PIK3R5: variants seen among roughly 807,000 people sequenced by gnomAD.
The protein encoded by PIK3R5 is phosphoinositide-3-kinase regulatory subunit 5, also known as phosphoinositide 3-kinase regulatory subunit 5.
In PIK3R5, 32 loss-of-function variants were observed where a neutral mutation model predicts 94.9. The ratio of observed to expected loss-of-function variants is 0.34; its 90% CI spans 0.25 to 0.45. The LOEUF (loss-of-function observed/expected upper bound fraction) is 0.45, where lower values mean the gene tolerates loss of function less well. PIK3R5 is among the 20% of genes least tolerant of loss of function. The pLI is 1.00. For synonymous variants in PIK3R5, 443 were observed against 479.4 expected, an observed-to-expected ratio of 0.92 and a Z score of 0.99; for missense variants, 853 against 1,144.6, an observed-to-expected ratio of 0.75 and a Z score of 3.68.
rs371147942 is a variant in PIK3R5 at position 8,888,586 on chromosome 17, C to T, written c.1201G>A (p.Glu401Lys). The T allele has an allele frequency of 1.1e-5, 17 of 1,611,972 alleles. No individual in the cohort carries two copies. The highest frequency in any genetic ancestry group is 1.4e-5 in the Non-Finnish European group (16 of 1,179,422). Residue 401 changes from glutamate to lysine, a missense_variant, in exon 10 of 19, where the codon GAG becomes AAG. Glu to Lys is a moderately conservative substitution (Grantham distance 56, BLOSUM62 1). Around this residue, in one of 6 missense-constraint regions of PIK3R5, gnomAD observed 319 missense variants for 339.8 expected, o/e 0.94. Coordinates refer to ENST00000447110, the MANE Select transcript of PIK3R5 (RefSeq NM_001142633.3). The surrounding 1 kb of genome is among the most constrained non-coding windows in gnomAD (Gnocchi z 7.8). ...YVEDSEESSS[E>K]WPWRRGSQER... ...TGGCTGCCACGCCTCCAAGGCCACT[C>T]GGAGGAGCTCTCCTCGCTGTCCTCC...
intron 1 of PIK3R5, among the ~76,000 whole-genome samples, chr17:8,941,440 G>GA (rs5819209): frequency 0.83 from 126,782 of 152,116 alleles, 53,066 homozygotes; most frequent in Non-Finnish European, 0.86. Context: ...AAGTTGAACA[G>GA]AATAATACCC....
chr17:8,950,856 T>A (rs957358660), intron 1 of PIK3R5, among the ~76,000 whole-genome samples: 1 of 152,204 alleles, frequency 6.6e-6, no homozygotes. Context: ...CTGTTTTAAG[T>A]TCTTTGAGAA....
At chr17:8,958,512 C>G (rs929551526) in intron 1 of PIK3R5, among the ~76,000 whole-genome samples, 13 of 148,546 alleles carry the variant, frequency 8.8e-5, no homozygotes, top group African/African-American at 3.4e-4. Context: ...TCCATTCATG[C>G]TTTTAAAAAT....
At chr17:8,908,015 G>C (rs145298957) in intron 3 of PIK3R5, among the ~76,000 whole-genome samples, 1 of 152,080 alleles carries the variant, frequency 6.6e-6, no homozygotes, top group Non-Finnish European at 1.5e-5. Flanking sequence ...TTTTAGTATC[G>C]CTTTTTCATA....
chr17:8,935,792 C>T lies in PIK3R5; in HGVS notation c.-13-24285G>A, dbSNP rs532256832. On this transcript the variant is annotated intron_variant, in intron 1 of 18. Transcript: ENST00000447110. This position sits in a 1 kb window ranked among gnomAD's most constrained non-coding sequence, Gnocchi z 4.5. Reference sequence around the variant, plus strand: ...AGACAAGGCCACGCATGGTGGCTCACGCTTGTAATCCCAGCACTTTGGGAG... The same window carrying T: ...AGACAAGGCCACGCATGGTGGCTCATGCTTGTAATCCCAGCACTTTGGGAG... Among the ~76,000 whole-genome samples, 189 of 152,216 alleles carry T rather than the reference C, an allele frequency of 1.2e-3. No individual in the cohort carries two copies. In the Middle Eastern group the frequency reaches 0.02, roughly 16 times the overall value.
Position 8,935,984 on chromosome 17 carries a change from G to A in PIK3R5, c.-13-24477C>T, listed in dbSNP as rs555145446. Among the ~76,000 whole-genome samples, 14 of 151,622 alleles carry A rather than the reference G, an allele frequency of 9.2e-5. No homozygotes were observed. In the South Asian group the frequency reaches 2.9e-3, roughly 32 times the overall value. On this transcript the variant is annotated intron_variant, in intron 1 of 18. Transcript: ENST00000447110. The surrounding 1 kb of genome is among the most constrained non-coding windows in gnomAD (Gnocchi z 4.5). ...CAGGAGAATGGCGTGAACCCGGGAG[G>A]CGGAGATTGCAGTGAGCTGAGCTTG...
At chr17:8,919,051 G>C (rs2090681453) in intron 1 of PIK3R5, among the ~76,000 whole-genome samples, 2 of 152,264 alleles carry the variant, frequency 1.3e-5, no homozygotes, top group Non-Finnish European at 1.5e-5. Context: ...GGTCATCAAA[G>C]ATAAGGAAAG....
At position 8,888,495 on chromosome 17, in the gene PIK3R5, G is replaced by A. The variant is rs752254491; in HGVS notation, c.1292C>T (p.Thr431Ile). The A allele has an allele frequency of 1.2e-6, 2 of 1,608,392 alleles. No homozygotes were observed. The highest frequency in any genetic ancestry group is 1.7e-6 in the Non-Finnish European group (2 of 1,178,244). The change falls in exon 10 of 19, where the codon ACC becomes ATC. Residue 431 changes from threonine to isoleucine, a missense_variant. Transcript: ENST00000447110. The surrounding 1 kb of genome is among the most constrained non-coding windows in gnomAD (Gnocchi z 7.8). The stretch of plus-strand genomic sequence containing the variant: ...GTCCCTCCGCAGTACCAGCTGGCTG[G>A]TGCTCTTGAAGAGTTTATAGATCCT... ...FIRIYKLFKS[T>I]SQLVLRRDSR... is the part of the protein sequence containing the mutation.
intron 3 of PIK3R5, among the ~76,000 whole-genome samples, chr17:8,907,679 G>A (rs938451657): frequency 6.0e-5 from 9 of 150,176 alleles, no homozygotes; most frequent in South Asian, 4.2e-4. Flanking sequence ...TTGCTCTGTC[G>A]CACAGGCTGG....
At chr17:8,883,543 G>C (rs1458330446) in intron 15 of PIK3R5, among the ~76,000 whole-genome samples, 1 of 152,172 alleles carries the variant, frequency 6.6e-6, no homozygotes, top group East Asian at 1.9e-4. Flanking sequence ...TCCCACCACA[G>C]GGCCTTTGCA....
intron 3 of PIK3R5, among the ~76,000 whole-genome samples, chr17:8,908,612 T>C (rs779251249): frequency 1.3e-5 from 2 of 150,842 alleles, no homozygotes; most frequent in Admixed American, 6.6e-5. Flanking sequence ...GCCCAAATCC[T>C]CTTTTGGGAC....
intron 1 of PIK3R5, among the ~76,000 whole-genome samples, chr17:8,941,027 C>A (rs2091170263): frequency 6.6e-6 from 1 of 152,212 alleles, no homozygotes; most frequent in African/African-American, 2.4e-5. Context: ...TCCAGCTCCA[C>A]TGTGACCCAG....
Position 8,911,599 on chromosome 17 carries a change from G to A in PIK3R5, c.-13-92C>T, listed in dbSNP as rs1022106954. 1.9e-5 allele frequency: 15 copies of A among 796,586 alleles called. No individual in the cohort carries two copies. The highest frequency in any genetic ancestry group is 8.5e-5 in the African/African-American group (5 of 59,082). The allele number at this position is 796,586 out of a possible 1,614,324, so 49.3% of individuals were successfully genotyped here. On this transcript the variant is annotated intron_variant, in intron 1 of 18. Transcript: ENST00000447110. The surrounding 1 kb of genome is among the most constrained non-coding windows in gnomAD (Gnocchi z 5.3). ...AGACAACAGGTGCTCACAGTGCAGC[G>A]CGATCAGCCCAGCCCAGCTATAGCT...
At position 8,907,642 on chromosome 17, in the gene PIK3R5, A is replaced by AG. The variant is rs985932560; in HGVS notation, c.204+1431_204+1432insC. On this transcript the variant is annotated intron_variant, in intron 3 of 18. Coordinates refer to ENST00000447110, the MANE Select transcript of PIK3R5 (RefSeq NM_001142633.3). Reference sequence around the variant, plus strand: ...TCTTTTTTTAACAAAAAAAAAAAAAAAGAGAGAGAGAGAGAGAAATAGGGT... The same window carrying AG: ...TCTTTTTTTAACAAAAAAAAAAAAAAGAGAGAGAGAGAGAGAGAAATAGGGT... 5.8e-4 allele frequency among the ~76,000 whole-genome samples: 87 copies of AG among 150,826 alleles called. 1 individual carries two copies. The highest frequency in any genetic ancestry group is 6.8e-3 in the Middle Eastern group (2 of 292).
At chr17:8,886,955 C>A (rs1195212877) in intron 12 of PIK3R5, 141 bp downstream of exon 12, 9 of 983,484 alleles carry the variant, frequency 9.2e-6, no homozygotes, top group Non-Finnish European at 1.3e-5. Flanking sequence ...CTGCTTCTCA[C>A]CCACACTCCC....
At chr17:8,903,264 A>C (rs1380981338) in intron 5 of PIK3R5, among the ~76,000 whole-genome samples, 2 of 151,804 alleles carry the variant, frequency 1.3e-5, no homozygotes, top group Non-Finnish European at 2.9e-5. Context: ...ATATAATATA[A>C]TTTTGTATAT....
intron 1 of PIK3R5, among the ~76,000 whole-genome samples, chr17:8,923,415 T>C (rs969277571): frequency 6.6e-6 from 1 of 152,236 alleles, no homozygotes; most frequent in African/African-American, 2.4e-5. Flanking sequence ...ATTAAATCCA[T>C]GTGAGGTAGA....
chr17:8,924,644 C>T (rs558881589), intron 1 of PIK3R5, among the ~76,000 whole-genome samples: 15 of 152,290 alleles, frequency 9.8e-5, no homozygotes, highest in African/African-American at 3.4e-4. Context: ...TTCTCAGACA[C>T]GGGCACATCT....
At chr17:8,939,702 C>T (rs949556886) in intron 1 of PIK3R5, among the ~76,000 whole-genome samples, 7 of 152,188 alleles carry the variant, frequency 4.6e-5, no homozygotes, top group African/African-American at 7.2e-5. Flanking sequence ...GTGAAAATAA[C>T]GATGCCACGT....
Sources: allele counts gnomAD v4.1 joint callset (sites outside exome capture counted in the v4.1 genomes callset), GRCh38; gene constraint gnomAD v4.1.1; regional missense constraint gnomAD v4.1.1; non-coding constraint Gnocchi (gnomAD v3.1); transcripts MANE v1.5; gene names NCBI Gene and HGNC (gene_info 2026-07-23, HGNC 2026-07-21).